CTR9: variants seen among roughly 807,000 people sequenced by gnomAD.
CTR9 encodes RNA polymerase-associated protein CTR9 homolog.
In CTR9, 41 loss-of-function variants were observed where a neutral mutation model predicts 152.1. The ratio of observed to expected loss-of-function variants is 0.27; its 90% confidence interval spans 0.21 to 0.35. The LOEUF is 0.35. Ranked by LOEUF, CTR9 falls within the 10% of genes least tolerant of loss-of-function variation. The pLI, the probability that CTR9 is intolerant of heterozygous loss-of-function variation, is 1.00. For synonymous variants in CTR9, 476 were observed against 496.2 expected (o/e 0.96, Z 0.54); for missense variants, 917 against 1,424.4 (o/e 0.64, Z 5.73).
intron 22 of CTR9, 72 bp downstream of exon 22, chr11:10,774,241 T>C: frequency 6.6e-7 from 1 of 1,509,808 alleles, no homozygotes. Context: ...TCTGAATCTT[T>C]TGATGTTTAG....
At chr11:10,766,354 C>T in intron 12 of CTR9, 48 bp from the exon 13 acceptor site, 1 of 1,384,498 alleles carries the variant, frequency 7.2e-7, no homozygotes, top group Middle Eastern at 1.8e-4. Flanking sequence ...AATTATGATC[C>T]TTTATAGCTA....
At chr11:10,773,400 T>A in intron 21 of CTR9, 127 bp downstream of exon 21, 1 of 1,095,278 alleles carries the variant, frequency 9.1e-7, no homozygotes, top group Non-Finnish European at 1.3e-6. Flanking sequence ...TAAGAGACAG[T>A]CTTCTAACAC....
intron 18 of CTR9, 88 bp downstream of exon 18, chr11:10,770,720 C>G: frequency 2.4e-6 from 3 of 1,274,054 alleles, no homozygotes; most frequent in Non-Finnish European, 3.2e-6. Context: ...GTCTGAAATG[C>G]TTTGTTTAAA....
At chr11:10,765,582 C>T (rs1050818445) in intron 12 of CTR9, among the ~76,000 whole-genome samples, 8 of 152,134 alleles carry the variant, frequency 5.3e-5, no homozygotes, top group African/African-American at 1.9e-4. Context: ...CTGCCTCAGC[C>T]TCCCGAGTAA....
Position 10,770,594 on chromosome 11 carries a change from A to C in CTR9, c.2334A>C (p.Glu778Asp). The change falls in exon 18 of 25, where the codon GAA becomes GAC. Residue 778 changes from glutamate to aspartate, a missense_variant. Physicochemically the swap from Glu to Asp is conservative, Grantham distance 45. This residue lies in a region of CTR9 where 106 missense variants were observed against 157.8 expected (regional missense o/e 0.67). Coordinates refer to ENST00000361367, the MANE Select transcript of CTR9 (RefSeq NM_014633.5). ...AAGATGAAAAAAGTAATCTGAAGGA[A>C]GTACTTAATGCTGTGAAAGAACTGG... ...VLKDEKSNLK[E>D]VLNAVKELEL... 1 of 1,613,778 alleles carries C rather than the reference A, an allele frequency of 6.2e-7. No individual in the cohort carries two copies. Among genetic ancestry groups the C allele is most frequent in the Non-Finnish European group, 8.5e-7 (1 of 1,179,940 alleles).
intron 9 of CTR9, 24 bp from the exon 10 acceptor site, chr11:10,764,088 G>T (rs1416375397): frequency 6.2e-7 from 1 of 1,608,740 alleles, no homozygotes; most frequent in African/African-American, 1.3e-5. Context: ...GAATACTTCA[G>T]CTTAACAATC....
intron 2 of CTR9, 22 bp downstream of exon 2, chr11:10,752,792 A>AT: frequency 6.3e-7 from 1 of 1,576,446 alleles, no homozygotes; most frequent in South Asian, 1.1e-5. Flanking sequence ...TGTAGCAAAT[A>AT]TTTTTTATTT....
intron 24 of CTR9, among the ~76,000 whole-genome samples, 191 bp from the exon 25 acceptor site, chr11:10,778,488 G>A (rs1227652092): frequency 6.6e-6 from 1 of 151,998 alleles, no homozygotes; most frequent in Non-Finnish European, 1.5e-5. Flanking sequence ...AAACCTTTTT[G>A]AGTTGTGAAA....
In CTR9 at chr11:10,778,993, G is replaced by A; in HGVS notation, c.3410G>A (p.Gly1137Glu). The A allele has an allele frequency of 1.2e-6, 2 of 1,614,160 alleles. No homozygotes were observed. Among genetic ancestry groups the A allele is most frequent in the Non-Finnish European group, 1.7e-6 (2 of 1,180,040 alleles). Residue 1137 changes from glycine (G) to glutamate (E), a missense_variant, in exon 25 of 25, where the codon GGA becomes GAA. This residue lies in a region of CTR9 where 384 missense variants were observed against 398.4 expected (regional missense o/e 0.96). Coordinates refer to ENST00000361367, the MANE Select transcript of CTR9 (RefSeq NM_014633.5). The stretch of plus-strand genomic sequence containing the variant: ...GAATCAGATCACGAATCGGAGAGAG[G>A]ATCTGATAATGAGGGTTCTGGCCAA... ...SAESDHESER[G>E]SDNEGSGQGS...
intron 20 of CTR9, 91 bp downstream of exon 20, chr11:10,772,746 G>GTGGTGGCTGACAC: frequency 7.6e-7 from 1 of 1,307,974 alleles, no homozygotes; most frequent in Non-Finnish European, 1.0e-6. Flanking sequence ...TCTGCCAGGC[G>GTGGTGGCTGACAC]TGGTGGCTGA....
At chr11:10,761,464 G>GC (rs1862976623) in intron 6 of CTR9, among the ~76,000 whole-genome samples, 1 of 151,460 alleles carries the variant, frequency 6.6e-6, no homozygotes, top group Non-Finnish European at 1.5e-5. Context: ...GGTGGTAGAG[G>GC]CCAGGCATGG....
Position 10,773,371 on chromosome 11 carries a change from T to C in CTR9, c.2727+98T>C, listed in dbSNP as rs2135382612. 3.5e-6 allele frequency: 5 copies of C among 1,423,914 alleles called. No individual in the cohort carries two copies. In the African/African-American group the frequency reaches 4.4e-5, roughly 12 times the overall value. 88.2% of individuals were successfully genotyped at this position (1,423,914 alleles called of 1,614,324 possible). A position where few individuals can be genotyped will look rare whatever the true frequency, so the allele number is the denominator to read the frequency against. ...GTTAAATTCCTTCTGTACTTACTAG[T>C]TTTGACTTCCTCTTTTGTTAAGAGA... On this transcript the variant is annotated intron_variant, in intron 21 of 24. Transcript: ENST00000361367.
At chr11:10,773,510 A>C (rs1407884058) in intron 21 of CTR9, among the ~76,000 whole-genome samples, 2 of 152,142 alleles carry the variant, frequency 1.3e-5, no homozygotes, top group Non-Finnish European at 2.9e-5. Context: ...TGATTTTTGC[A>C]GTTTTAACCA....
chr11:10,751,999 C>T (rs899848014), intron 1 of CTR9, among the ~76,000 whole-genome samples: 3 of 152,210 alleles, frequency 2.0e-5, no homozygotes, highest in African/African-American at 7.2e-5. Context: ...TTAACCTCCT[C>T]TCGCTTACCT....
At position 10,773,181 on chromosome 11, in the gene CTR9, G is replaced by T. The variant is rs771708506; in HGVS notation, c.2635G>T (p.Ala879Ser). 1 of 1,612,740 alleles carries T rather than the reference G, an allele frequency of 6.2e-7. No individual in the cohort carries two copies. The highest frequency in any genetic ancestry group is 1.1e-5 in the South Asian group (1 of 90,586). ...GCAAAAGAAACTTTTGGAACAGCGG[G>T]CCCAGTATGTGGAGAAGACCAAAAA... The part of the protein sequence containing the change: ...EEQKKLLEQR[A>S]QYVEKTKNIL... The change falls in exon 21 of 25, where the codon GCC becomes TCC. Residue 879 changes from alanine (A) to serine (S), a missense_variant. Transcript: ENST00000361367.
At chr11:10,752,492 A>G (rs957588589) in intron 1 of CTR9, among the ~76,000 whole-genome samples, 180 bp from the exon 2 acceptor site, 12 of 152,176 alleles carry the variant, frequency 7.9e-5, no homozygotes, top group Admixed American at 3.3e-4. Flanking sequence ...CTTTAACTTT[A>G]TTATAGTATA....
Position 10,779,392 on chromosome 11 carries a change from TTGAC to T in CTR9, c.*291_*294del. ...GATGCTAAATCATTCCTACAAAGGT[TTGAC>T]TGAAACTGTGGCAGATGTCTCATCT... On this transcript the variant is annotated 3_prime_UTR_variant, in exon 25 of 25. Coordinates refer to ENST00000361367, the MANE Select transcript of CTR9 (RefSeq NM_014633.5). The T allele has an allele frequency of 3.2e-6, 1 of 307,710 alleles. No individual in the cohort carries two copies. Among genetic ancestry groups the T allele is most frequent in the Non-Finnish European group, 6.1e-6 (1 of 165,112 alleles). The allele number at this position is 307,710 out of a possible 1,614,324, so 19.1% of individuals were successfully genotyped here.
At position 10,767,172 on chromosome 11, in the gene CTR9, A is replaced by G. The variant is rs1319603145; in HGVS notation, c.1687-634A>G. On this transcript the variant is annotated intron_variant, in intron 13 of 24. Transcript: ENST00000361367. The surrounding 1 kb of genome is among the most constrained non-coding windows in gnomAD (Gnocchi z 4.0). ...AACAAGAAGTGTATATTTTCAAACA[A>G]TTTTTTAATGATTTAACAATTTTTG... 1 of 152,844 alleles carries G rather than the reference A, an allele frequency of 6.5e-6. No homozygotes were observed. The highest frequency in any genetic ancestry group is 1.5e-5 in the Non-Finnish European group (1 of 68,196). The allele number at this position is 152,844 out of a possible 1,614,324, so 9.5% of individuals were successfully genotyped here.
intron 2 of CTR9, among the ~76,000 whole-genome samples, chr11:10,754,326 C>G (rs1010169775): frequency 1.3e-5 from 2 of 152,136 alleles, no homozygotes; most frequent in African/African-American, 4.8e-5. Context: ...CTCTTAGGCT[C>G]TACTTATCTG....
Sources: allele counts gnomAD v4.1 joint callset (sites outside exome capture counted in the v4.1 genomes callset), GRCh38; gene constraint gnomAD v4.1.1; regional missense constraint gnomAD v4.1.1; non-coding constraint Gnocchi (gnomAD v3.1); transcripts MANE v1.5; gene names NCBI Gene and HGNC (gene_info 2026-07-23, HGNC 2026-07-21).